The following ARHGAP26 variants were observed in gnomAD, a reference collection of about 807,000 sequenced individuals.
ARHGAP26 encodes Rho GTPase activating protein 26, also known as rho GTPase-activating protein 26.
Under a neutral mutation model 104.8 loss-of-function variants are expected in ARHGAP26, and 38 were observed. The ratio of observed to expected loss-of-function variants is 0.36; its 90% CI spans 0.28 to 0.48. The LOEUF is 0.48. ARHGAP26 is among the 20% of genes least tolerant of loss of function. The pLI is 0.99. For missense variants in ARHGAP26, 704 were observed against 947.9 expected (o/e 0.74, Z 3.38); for synonymous variants, 341 against 340.0 (o/e 1.00, Z -0.03).
intron 1 of ARHGAP26, among the ~76,000 whole-genome samples, chr5:142,793,686 T>G (rs1268700822): frequency 6.6e-6 from 1 of 152,102 alleles, no homozygotes; most frequent in African/African-American, 2.4e-5. Flanking sequence ...CTCCCGAGTT[T>G]AAGTGATTCT....
chr5:142,851,618 G>A (rs1751537752), intron 1 of ARHGAP26, among the ~76,000 whole-genome samples: 1 of 152,138 alleles, frequency 6.6e-6, no homozygotes, highest in Non-Finnish European at 1.5e-5. Flanking sequence ...ATCACTGATG[G>A]AACTGGTGTC....
chr5:142,790,987 A>G, intron 1 of ARHGAP26, among the ~76,000 whole-genome samples: 1 of 152,104 alleles, frequency 6.6e-6, no homozygotes, highest in East Asian at 1.9e-4. Flanking sequence ...GGCCCTTCTC[A>G]ACCACTTGAC....
At chr5:142,953,426 T>C (rs947298063) in intron 11 of ARHGAP26, among the ~76,000 whole-genome samples, 5 of 152,336 alleles carry the variant, frequency 3.3e-5, no homozygotes, top group African/African-American at 1.2e-4. Context: ...AAACTTTTCA[T>C]TTTTAAAACT....
At chr5:142,902,705 G>A (rs1025326385) in intron 7 of ARHGAP26, among the ~76,000 whole-genome samples, 15 of 152,198 alleles carry the variant, frequency 9.9e-5, no homozygotes, top group Admixed American at 2.0e-4. Flanking sequence ...GTACTGCATG[G>A]GTTTTAGAAG....
chr5:143,139,833 G>C (rs986405641), intron 19 of ARHGAP26, among the ~76,000 whole-genome samples: 1 of 152,184 alleles, frequency 6.6e-6, no homozygotes, highest in Admixed American at 6.5e-5. Flanking sequence ...GGTACATCTA[G>C]GTGAAAGGTA....
chr5:143,178,496 C>T lies in ARHGAP26; in HGVS notation c.1989-28702C>T, dbSNP rs150491475. Among the ~76,000 whole-genome samples, 133 of 152,354 alleles carry T rather than the reference C, an allele frequency of 8.7e-4. 3 individuals are homozygous for T. The East Asian group carries it at 0.022, about 25-fold the overall frequency. On this transcript the variant is annotated intron_variant, in intron 20 of 22. Transcript: ENST00000645722. ...ATGGGATTTGCTTCCCCTACCTACA[C>T]TTGCTAACATCTGCTGTTTCTTTTA...
chr5:143,066,274 A>C (rs927376744), intron 17 of ARHGAP26, among the ~76,000 whole-genome samples: 2 of 152,222 alleles, frequency 1.3e-5, no homozygotes, highest in East Asian at 1.9e-4. Context: ...TCGACCATCT[A>C]TCTGGGTTTG....
intron 17 of ARHGAP26, among the ~76,000 whole-genome samples, chr5:143,104,029 A>G (rs1793648572): frequency 6.8e-6 from 1 of 146,634 alleles, no homozygotes; most frequent in Non-Finnish European, 1.5e-5. Flanking sequence ...GACCTAGAGA[A>G]AAAAAAAAAG....
rs1438125835 is a variant in ARHGAP26 at position 143,206,486 on chromosome 5, C to T, written c.1989-712C>T. 4.6e-5 allele frequency among the ~76,000 whole-genome samples: 7 copies of T among 152,186 alleles called. No individual in the cohort carries two copies. The South Asian group carries it at 1.0e-3, about 23-fold the overall frequency. On this transcript the variant is annotated intron_variant, in intron 20 of 22. Coordinates refer to ENST00000645722, the MANE Select transcript of ARHGAP26 (RefSeq NM_001135608.3). ...AATGAACAAATTGAAGGTTTCAGTT[C>T]GTTTTTTTCATTGCCTTCCCTCTGG...
At chr5:142,957,281 A>C (rs917728020) in intron 11 of ARHGAP26, among the ~76,000 whole-genome samples, 5 of 152,264 alleles carry the variant, frequency 3.3e-5, no homozygotes, top group African/African-American at 1.2e-4. Context: ...TTATCATAAA[A>C]TCTTGTAGAA....
intron 1 of ARHGAP26, among the ~76,000 whole-genome samples, chr5:142,832,165 G>A (rs1768571323): frequency 6.6e-6 from 1 of 152,208 alleles, no homozygotes; most frequent in Non-Finnish European, 1.5e-5. Context: ...GTCCCCTGGT[G>A]AGTGAAGTGT....
At chr5:142,846,186 G>A (rs1259566469) in intron 1 of ARHGAP26, among the ~76,000 whole-genome samples, 1 of 152,230 alleles carries the variant, frequency 6.6e-6, no homozygotes, top group African/African-American at 2.4e-5. Flanking sequence ...TATGCCAGAC[G>A]CTGGCTTTGT....
intron 12 of ARHGAP26, among the ~76,000 whole-genome samples, chr5:143,022,744 C>T (rs970154627): frequency 6.6e-6 from 1 of 152,176 alleles, no homozygotes; most frequent in East Asian, 1.9e-4. Context: ...CAAAGGAGCT[C>T]ACAGGCTTAA....
chr5:142,914,472 G>A (rs1762227119), intron 10 of ARHGAP26, among the ~76,000 whole-genome samples: 1 of 152,220 alleles, frequency 6.6e-6, no homozygotes, highest in Non-Finnish European at 1.5e-5. Flanking sequence ...GGAAAATGAA[G>A]TTCCCAGGAT....
intron 11 of ARHGAP26, among the ~76,000 whole-genome samples, chr5:142,952,802 C>T (rs763155842): frequency 3.3e-5 from 5 of 152,080 alleles, no homozygotes; most frequent in Non-Finnish European, 7.4e-5. Context: ...CTCCGCCTCC[C>T]GGGTTCAAGC....
At chr5:143,101,479 A>T (rs1470421089) in intron 17 of ARHGAP26, among the ~76,000 whole-genome samples, 1 of 151,868 alleles carries the variant, frequency 6.6e-6, no homozygotes, top group Non-Finnish European at 1.5e-5. Context: ...ACAAAAGGTG[A>T]TTGTTTTCTT....
intron 20 of ARHGAP26, among the ~76,000 whole-genome samples, chr5:143,182,693 A>G (rs1804561053): frequency 6.6e-6 from 1 of 152,230 alleles, no homozygotes; most frequent in Non-Finnish European, 1.5e-5. Context: ...ATATACTCAT[A>G]GCCCTGAAAT....
Position 143,120,999 on chromosome 5 carries a change from A to T in ARHGAP26, c.1550A>T (p.Asn517Ile). 6.2e-7 allele frequency: 1 copy of T among 1,613,124 alleles called. No individual in the cohort carries two copies. The highest frequency in any genetic ancestry group is 8.5e-7 in the Non-Finnish European group (1 of 1,179,414). Residue 517 changes from asparagine (N) to isoleucine (I), a missense_variant, in exon 18 of 23, where the codon AAC becomes ATC. By Grantham distance (149) the Asn-to-Ile change is moderately radical (BLOSUM62 -3). Transcript: ENST00000645722. The stretch of plus-strand genomic sequence containing the variant: ...TTCCTTCCTCCCAGTGTTGCTAACA[A>T]CCACAAGCAGAATTTGATGACGGTG... ...LMNHLANVANNHKQNLMTVAN... is the reference protein window; with the variant it reads ...LMNHLANVANIHKQNLMTVAN...
At chr5:143,152,867 A>G (rs1800013404) in intron 20 of ARHGAP26, among the ~76,000 whole-genome samples, 1 of 152,222 alleles carries the variant, frequency 6.6e-6, no homozygotes, top group South Asian at 2.1e-4. Flanking sequence ...AGTTGAATGC[A>G]GCCACCTGGG....
Sources: gnomAD v4.1 joint callset for allele counts (sites outside exome capture counted in the v4.1 genomes callset) on GRCh38, gnomAD v4.1.1 for gene constraint, MANE v1.5 for transcripts, NCBI Gene and HGNC (gene_info 2026-07-23, HGNC 2026-07-21) for gene names.